The following FAM163A variants were observed in gnomAD, a reference collection of about 807,000 sequenced individuals.
FAM163A encodes the protein family with sequence similarity 163 member A, also known as protein FAM163A.
A neutral mutation model predicts 12.0 loss-of-function variants in FAM163A; 7 were observed. The observed-to-expected ratio is 0.58, with a 90% confidence interval of 0.33 to 1.10. The LOEUF is 1.10. Ranked by LOEUF, FAM163A falls within the 50% of genes least tolerant of loss-of-function variation. FAM163A has a pLI of 0.03. For synonymous variants in FAM163A, 101 were observed against 91.0 expected, an observed-to-expected ratio of 1.11 and a Z score of -0.62; for missense variants, 202 against 218.6, an observed-to-expected ratio of 0.92 and a Z score of 0.48.
the FAM163A span, among the ~76,000 whole-genome samples, chr1:179,734,263 C>T: frequency 6.6e-6 from 1 of 152,152 alleles, no homozygotes; most frequent in African/African-American, 2.4e-5. Context: ...TAGGAGAACA[C>T]CACTGAGCCA....
At chr1:179,760,781 G>T (rs1277392555) in intron 1 of FAM163A, among the ~76,000 whole-genome samples, 1 of 152,172 alleles carries the variant, frequency 6.6e-6, no homozygotes, top group Non-Finnish European at 1.5e-5. Context: ...GCTACCAGGG[G>T]CACTTTCCTA....
chr1:179,805,395 A>G (rs1693790593), intron 1 of FAM163A, among the ~76,000 whole-genome samples: 1 of 152,064 alleles, frequency 6.6e-6, no homozygotes, highest in Admixed American at 6.6e-5. Flanking sequence ...GCGGGCGCCT[A>G]TAATCTGAGC....
intron 1 of FAM163A, among the ~76,000 whole-genome samples, chr1:179,758,810 T>G: frequency 6.6e-6 from 1 of 152,168 alleles, no homozygotes; most frequent in East Asian, 1.9e-4. Flanking sequence ...GCCCCTTCCT[T>G]AGGACCCCCA....
chr1:179,728,093 G>A, the FAM163A span, among the ~76,000 whole-genome samples: 1 of 152,102 alleles, frequency 6.6e-6, no homozygotes, highest in Admixed American at 6.5e-5. Flanking sequence ...CAGGTTAAAT[G>A]AAATAGCCCC....
At chr1:179,782,062 G>A (rs771452027) in intron 1 of FAM163A, among the ~76,000 whole-genome samples, 19 of 152,060 alleles carry the variant, frequency 1.2e-4, no homozygotes, top group Non-Finnish European at 2.1e-4. Flanking sequence ...GCTCCTTGAC[G>A]TGGAGAAGGC....
intron 1 of FAM163A, among the ~76,000 whole-genome samples, chr1:179,767,828 GT>G (rs1687714265): frequency 1.3e-5 from 2 of 152,034 alleles, no homozygotes; most frequent in Non-Finnish European, 2.9e-5. Flanking sequence ...GACCTCAGAA[GT>G]TTTTTTAAAA....
rs1695226726 is a variant in FAM163A, at chr1:179,815,285, C to T, written c.*1096C>T. ...AAGGTGGTTAACACGTGACCAATCCCCATGGCAGACAGCGGGCTGGTGAAC... is the reference window on the plus strand; with the variant it reads ...AAGGTGGTTAACACGTGACCAATCCTCATGGCAGACAGCGGGCTGGTGAAC... On this transcript the variant is annotated 3_prime_UTR_variant, in exon 5 of 5. Transcript: ENST00000341785. 2.6e-5 allele frequency: 4 copies of T among 152,366 alleles called. No homozygotes were observed. In the South Asian group the frequency reaches 8.3e-4, roughly 31 times the overall value. 9.4% of individuals were successfully genotyped at this position (152,366 alleles called of 1,614,324 possible). A position where few individuals can be genotyped will look rare whatever the true frequency, so the allele number is the denominator to read the frequency against.
At chr1:179,793,389 A>G (rs936387630) in intron 1 of FAM163A, among the ~76,000 whole-genome samples, 1 of 152,242 alleles carries the variant, frequency 6.6e-6, no homozygotes, top group African/African-American at 2.4e-5. Flanking sequence ...TATGAGTTTT[A>G]CTGCAAATCA....
intron 1 of FAM163A, among the ~76,000 whole-genome samples, chr1:179,798,699 T>C (rs1398646956): frequency 6.6e-6 from 1 of 152,138 alleles, no homozygotes; most frequent in Non-Finnish European, 1.5e-5. Context: ...GCGGGATAAA[T>C]AGGCCAGGCC....
upstream of FAM163A, chr1:179,742,595 G>C (rs1469924243): frequency 6.6e-6 from 1 of 152,290 alleles, no homozygotes; most frequent in African/African-American, 2.4e-5. Context: ...TCTCTCAGCA[G>C]ACCCTCTGAA....
chr1:179,778,875 C>G (rs1004496084), intron 1 of FAM163A, among the ~76,000 whole-genome samples: 1 of 152,110 alleles, frequency 6.6e-6, no homozygotes, highest in Non-Finnish European at 1.5e-5. Context: ...TGGAGCATAG[C>G]CAGACAGACA....
intron 1 of FAM163A, among the ~76,000 whole-genome samples, chr1:179,796,980 C>T (rs1465361856): frequency 2.0e-5 from 3 of 152,206 alleles, no homozygotes; most frequent in Non-Finnish European, 4.4e-5. Context: ...GTGTATGACA[C>T]GGGGGCTCCT....
intron 1 of FAM163A, among the ~76,000 whole-genome samples, chr1:179,754,595 G>C (rs1186019423): frequency 6.6e-6 from 1 of 152,166 alleles, no homozygotes; most frequent in Non-Finnish European, 1.5e-5. Flanking sequence ...CATCTTTACA[G>C]AGAAGCAGGA....
upstream of FAM163A, among the ~76,000 whole-genome samples, chr1:179,739,096 T>G (rs1683329948): frequency 6.6e-6 from 1 of 151,972 alleles, no homozygotes; most frequent in Non-Finnish European, 1.5e-5. Context: ...AACTGGACCT[T>G]ATTAGGCAAG....
chr1:179,795,711 A>G (rs1451053551), intron 1 of FAM163A, among the ~76,000 whole-genome samples: 2 of 152,206 alleles, frequency 1.3e-5, no homozygotes. Flanking sequence ...TATGGCCTTG[A>G]CCACAGGCTG....
At chr1:179,751,984 C>T (rs1412408619) in intron 1 of FAM163A, among the ~76,000 whole-genome samples, 1 of 151,936 alleles carries the variant, frequency 6.6e-6, no homozygotes, top group Non-Finnish European at 1.5e-5. Flanking sequence ...CACAAAAGAC[C>T]CCAAATAGCC....
At chr1:179,793,732 A>G (rs1386784659) in intron 1 of FAM163A, among the ~76,000 whole-genome samples, 1 of 152,240 alleles carries the variant, frequency 6.6e-6, no homozygotes, top group African/African-American at 2.4e-5. Context: ...CAAAATGAAC[A>G]GAAGACAAGT....
chr1:179,760,798 A>G (rs961875302), intron 1 of FAM163A, among the ~76,000 whole-genome samples: 2 of 152,220 alleles, frequency 1.3e-5, no homozygotes, highest in African/African-American at 4.8e-5. Context: ...CCTAAAGTCT[A>G]CAACTGCTTA....
chr1:179,752,050 A>G (rs1187999914), intron 1 of FAM163A, among the ~76,000 whole-genome samples: 6 of 152,214 alleles, frequency 3.9e-5, no homozygotes, highest in African/African-American at 1.4e-4. Context: ...ATTTCAAACT[A>G]TATTATAAAA....
Sources: gnomAD v4.1 joint callset for allele counts (sites outside exome capture counted in the v4.1 genomes callset) on GRCh38, gnomAD v4.1.1 for gene constraint, MANE v1.5 for transcripts, NCBI Gene and HGNC (gene_info 2026-07-23, HGNC 2026-07-21) for gene names.